Variants in NOM1 observed in about 807,000 individuals in gnomAD.
The protein encoded by NOM1 is nucleolar MIF4G domain-containing protein 1.
In NOM1, 58 loss-of-function variants were observed where a neutral mutation model predicts 73.3. The observed-to-expected ratio is 0.79, with a 90% CI of 0.64 to 0.99. NOM1 has a LOEUF of 0.99. Among genes scored for constraint, NOM1 ranks in the 50% least tolerant of loss-of-function variants. NOM1 has a pLI of 0.00. For missense variants in NOM1, 1,226 were observed against 1,131.9 expected (o/e 1.08, Z -1.19); for synonymous variants, 487 against 446.8 (o/e 1.09, Z -1.14).
At chr7:156,952,998 G>A (rs1000043819) in intron 2 of NOM1, among the ~76,000 whole-genome samples, 22 of 152,364 alleles carry the variant, frequency 1.4e-4, no homozygotes, top group African/African-American at 5.0e-4. Context: ...CCCACTTTAA[G>A]AACAGAACAT....
At position 156,966,271 on chromosome 7, in the gene NOM1, C is replaced by T. The variant is rs1380048513; in HGVS notation, c.2035C>T (p.Leu679Phe). ...AGTCATTGCTGTTCTGTTTTCTAGG[C>T]TTGGACTTAAGGATCAGCAGGAGAG... ...FLDAFEKLLKLGLKDQQEREI... is the reference protein window; with the variant it reads ...FLDAFEKLLKFGLKDQQEREI... The change falls in exon 8 of 11, where the codon CTT becomes TTT. Residue 679 changes from leucine to phenylalanine, a missense_variant and splice_region_variant. Physicochemically the swap from Leu to Phe is conservative, Grantham distance 22 (BLOSUM62 0). Transcript: ENST00000275820. 9.3e-6 allele frequency: 15 copies of T among 1,613,686 alleles called. No homozygotes were observed. Among genetic ancestry groups the T allele is most frequent in the South Asian group, 1.1e-5 (1 of 91,086 alleles).
intron 1 of NOM1, among the ~76,000 whole-genome samples, 181 bp from the exon 2 acceptor site, chr7:156,952,293 T>C (rs1804613429): frequency 6.6e-6 from 1 of 152,230 alleles, no homozygotes; most frequent in Non-Finnish European, 1.5e-5. Flanking sequence ...CACAGCCTGG[T>C]GAGTGGAATG....
rs557118337 is a variant in NOM1 at position 156,952,271 on chromosome 7, A to G, written c.988-203A>G. On this transcript the variant is annotated intron_variant, in intron 1 of 10. Coordinates refer to ENST00000275820, the MANE Select transcript of NOM1 (RefSeq NM_138400.2). The stretch of plus-strand genomic sequence containing the variant: ...ATGTATTATTAATAGCATTAATGGG[A>G]ATAGTGACAGGCACAGCCTGGTGAG... Among the ~76,000 whole-genome samples the G allele has an allele frequency of 3.3e-5, 5 of 152,290 alleles. No individual in the cohort carries two copies. The East Asian group carries it at 9.6e-4, about 29-fold the overall frequency.
intron 4 of NOM1, among the ~76,000 whole-genome samples, chr7:156,961,033 A>G (rs1804851577): frequency 6.6e-6 from 1 of 152,048 alleles, no homozygotes; most frequent in African/African-American, 2.4e-5. Flanking sequence ...TTTTTGAAAG[A>G]CTGGGTTAGC....
intron 7 of NOM1, among the ~76,000 whole-genome samples, chr7:156,965,105 C>T (rs748981987): frequency 9.2e-5 from 14 of 152,084 alleles, no homozygotes; most frequent in African/African-American, 1.2e-4. Context: ...GGGCCGCCTT[C>T]GCCGCCTGCG....
intron 9 of NOM1, 194 bp from the exon 10 acceptor site, chr7:156,968,893 G>C: frequency 1.9e-6 from 1 of 522,872 alleles, no homozygotes; most frequent in South Asian, 2.1e-5. Flanking sequence ...TCTGCCAGCA[G>C]TGTGTAGGAA....
intron 9 of NOM1, among the ~76,000 whole-genome samples, chr7:156,967,548 C>G (rs75627087): frequency 0.037 from 5,671 of 152,166 alleles, 187 homozygotes; most frequent in South Asian, 0.097. Context: ...TTCTTCCCCC[C>G]CCAAGATGGG....
Position 156,969,082 on chromosome 7 carries a change from AT to A in NOM1, c.2299-3del. 1 of 1,449,982 alleles carries A rather than the reference AT, an allele frequency of 6.9e-7. No homozygotes were observed. Among genetic ancestry groups the A allele is most frequent in the Non-Finnish European group, 9.7e-7 (1 of 1,029,324 alleles). The allele number at this position is 1,449,982 out of a possible 1,614,324, so 89.8% of individuals were successfully genotyped here. On this transcript the variant is annotated splice_polypyrimidine_tract_variant and splice_region_variant and intron_variant, in intron 9 of 10. Coordinates refer to ENST00000275820, the MANE Select transcript of NOM1 (RefSeq NM_138400.2). ...CTTTATTTTTCTCCATGTCCTGACC[AT>A]TAGGTAGTTGAATTCAGTGAATTGG...
At chr7:156,966,034 C>T (rs1804987503) in intron 7 of NOM1, 2 of 526,412 alleles carry the variant, frequency 3.8e-6, no homozygotes, top group Non-Finnish European at 6.6e-6. Flanking sequence ...CGACGGGGGA[C>T]CCCCTAGATG....
chr7:156,965,142 G>A (rs375445275), intron 7 of NOM1, among the ~76,000 whole-genome samples: 1 of 152,224 alleles, frequency 6.6e-6, no homozygotes, highest in Admixed American at 6.5e-5. Context: ...GCTCTACGTG[G>A]GGCTGTGCTG....
rs367757255 is a variant in NOM1 at position 156,956,239 on chromosome 7, C to T, written c.1308+1941C>T. On this transcript the variant is annotated intron_variant, in intron 3 of 10. Transcript: ENST00000275820. ...GGATTTGCCAAAATGAAGTAGCCTT[C>T]TTGTCACTGGGGCTTCTGTGCTGAA... 2.6e-4 allele frequency among the ~76,000 whole-genome samples: 40 copies of T among 151,362 alleles called. No individual in the cohort carries two copies. The South Asian group carries it at 5.0e-3, about 19-fold the overall frequency.
chr7:156,954,808 T>C lies in NOM1; in HGVS notation c.1308+510T>C, dbSNP rs571854867. Among the ~76,000 whole-genome samples, 15 of 152,310 alleles carry C rather than the reference T, an allele frequency of 9.8e-5. No homozygotes were observed. The East Asian group carries it at 2.9e-3, about 29-fold the overall frequency. On this transcript the variant is annotated intron_variant, in intron 3 of 10. Coordinates refer to ENST00000275820, the MANE Select transcript of NOM1 (RefSeq NM_138400.2). ...AGGCGGGAGCTGCCATGCCCAGCCCTGTTCTGTCCAGCCTAGCATGTCTTT... is the reference window on the plus strand; with the variant it reads ...AGGCGGGAGCTGCCATGCCCAGCCCCGTTCTGTCCAGCCTAGCATGTCTTT...
At chr7:156,963,879 G>T in intron 6 of NOM1, 26 bp from the exon 7 acceptor site, 2 of 1,607,170 alleles carry the variant, frequency 1.2e-6, no homozygotes, top group South Asian at 2.2e-5. Context: ...ACATGCGTAT[G>T]ACTTGTCCAT....
At chr7:156,958,007 A>G (rs1237875918) in intron 3 of NOM1, among the ~76,000 whole-genome samples, 1 of 152,204 alleles carries the variant, frequency 6.6e-6, no homozygotes, top group East Asian at 1.9e-4. Flanking sequence ...TGAAGTGTAT[A>G]TCCAGTCCAT....
chr7:156,962,060 G>C (rs752580289), intron 4 of NOM1, 91 bp from the exon 5 acceptor site: 13 of 985,222 alleles, frequency 1.3e-5, no homozygotes, highest in Non-Finnish European at 1.9e-5. Context: ...GCGGCCATGT[G>C]CATCAGGTGT....
rs1251142010 is a variant in NOM1 at position 156,969,579 on chromosome 7, T to A, written c.2459T>A (p.Phe820Tyr). Reference sequence around the variant, plus strand: ...GTGTTACGTGAGGGTTTGAAGCTTTTCATCAGCCACTTCTTGCTAAAGAAC... The same window carrying A: ...GTGTTACGTGAGGGTTTGAAGCTTTACATCAGCCACTTCTTGCTAAAGAAC... The part of the protein sequence containing the change: ...LGVLREGLKL[F>Y]ISHFLLKNAQ... Residue 820 changes from phenylalanine (F) to tyrosine (Y), a missense_variant, in exon 11 of 11, where the codon TTC becomes TAC. By Grantham distance (22) the Phe-to-Tyr change is conservative (BLOSUM62 3). Transcript: ENST00000275820. 6.2e-7 allele frequency: 1 copy of A among 1,613,982 alleles called. No homozygotes were observed. Among genetic ancestry groups the A allele is most frequent in the Non-Finnish European group, 8.5e-7 (1 of 1,180,004 alleles).
Position 156,963,933 on chromosome 7 carries a change from G to C in NOM1, c.1940G>C (p.Arg647Pro). ...AGTTCAAAGATCCTAGAACTCGCCCGGAAGCAGAGGATGAACACAGACATC... is the reference window on the plus strand; with the variant it reads ...AGTTCAAAGATCCTAGAACTCGCCCCGAAGCAGAGGATGAACACAGACATC... Reference protein sequence around the residue: ...TVSSKILELARKQRMNTDIRR... With the variant: ...TVSSKILELAPKQRMNTDIRR... Residue 647 changes from arginine to proline, a missense_variant, in exon 7 of 11, where the codon CGG (arginine) becomes CCG (proline). Physicochemically the swap from Arg to Pro is moderately radical, Grantham distance 103 (BLOSUM62 -2). Transcript: ENST00000275820. 1 of 1,613,998 alleles carries C rather than the reference G, an allele frequency of 6.2e-7. No homozygotes were observed. The highest frequency in any genetic ancestry group is 8.5e-7 in the Non-Finnish European group (1 of 1,179,918).
intron 7 of NOM1, among the ~76,000 whole-genome samples, chr7:156,964,451 G>C (rs10225500): frequency 0.58 from 88,219 of 151,746 alleles, 25,781 homozygotes; most frequent in Middle Eastern, 0.68. Context: ...GGTATAGTTT[G>C]TATAATTAGT....
At chr7:156,967,115 T>C (rs368024021) in intron 9 of NOM1, 23 bp downstream of exon 9, 4 of 1,607,064 alleles carry the variant, frequency 2.5e-6, no homozygotes, top group Non-Finnish European at 2.5e-6. Context: ...TGTGAAAATA[T>C]TGAAAGCAAT....
Sources: gnomAD v4.1 joint callset for allele counts (sites outside exome capture counted in the v4.1 genomes callset) on GRCh38, gnomAD v4.1.1 for gene constraint, MANE v1.5 for transcripts, NCBI Gene and HGNC (gene_info 2026-07-23, HGNC 2026-07-21) for gene names.